Variants in PTPN23 observed in about 807,000 individuals in gnomAD.
The protein encoded by PTPN23 is protein tyrosine phosphatase non-receptor type 23, also known as tyrosine-protein phosphatase non-receptor type 23.
In PTPN23, 72 loss-of-function variants were observed where a neutral mutation model predicts 156.3. That is an observed-to-expected ratio of 0.46 (90% CI 0.38 to 0.56). PTPN23 has a LOEUF of 0.56. PTPN23 is among the 20% of genes least tolerant of loss of function. The probability of loss-of-function intolerance (pLI) is 0.00; values close to 1 mark genes in which losing one functional copy is unlikely to be tolerated. For synonymous variants in PTPN23, 957 were observed against 899.6 expected, an observed-to-expected ratio of 1.06 and a Z score of -1.14; for missense variants, 1,974 against 2,171.5, an observed-to-expected ratio of 0.91 and a Z score of 1.81.
chr3:47,410,455 G>T lies in PTPN23; in HGVS notation c.2657G>T (p.Ser886Ile). The stretch of plus-strand genomic sequence containing the variant: ...CGGCCAGCCACCACCACAGTAGATA[G>T]CATCCAGGCGCCCATCCCCAGCCAC... ...AVRPATTTVDSIQAPIPSHTA... is the reference protein window; with the variant it reads ...AVRPATTTVDIIQAPIPSHTA... The change falls in exon 20 of 25, where the codon AGC becomes ATC. Residue 886 changes from serine (S) to isoleucine (I), a missense_variant. Around this residue, in one of 4 missense-constraint regions of PTPN23, gnomAD observed 731 missense variants for 669.1 expected, o/e 1.09. Transcript: ENST00000265562. The T allele has an allele frequency of 1.2e-6, 2 of 1,611,038 alleles. No homozygotes were observed. Among genetic ancestry groups the T allele is most frequent in the Non-Finnish European group, 1.7e-6 (2 of 1,179,140 alleles).
rs1205708285 is a variant in PTPN23, at chr3:47,381,050, T to G, written c.-47T>G. 1.3e-6 allele frequency: 2 copies of G among 1,551,366 alleles called. No homozygotes were observed. The highest frequency in any genetic ancestry group is 4.9e-5 in the East Asian group (2 of 40,964). On this transcript the variant is annotated 5_prime_UTR_variant, in exon 1 of 25. Coordinates refer to ENST00000265562, the MANE Select transcript of PTPN23 (RefSeq NM_015466.4). The stretch of plus-strand genomic sequence containing the variant: ...CTGGGCTCGTGGCTGAGCCAGCAGC[T>G]GCAGCAGCTACGGGAGTGGCCGGGT...
intron 1 of PTPN23, among the ~76,000 whole-genome samples, chr3:47,394,298 G>A (rs950156801): frequency 2.0e-5 from 3 of 152,154 alleles, no homozygotes; most frequent in Non-Finnish European, 4.4e-5. Flanking sequence ...TGACCCTGCC[G>A]TCGGCACACA....
In PTPN23 at chr3:47,402,703, G is replaced by GT. The variant is rs376504793; in HGVS notation, c.160-1942dup. Among the ~76,000 whole-genome samples, 361 of 152,056 alleles carry GT rather than the reference G, an allele frequency of 2.4e-3. 3 individuals carry two copies. Among genetic ancestry groups the GT allele is most frequent in the African/African-American group, 7.4e-3 (309 of 41,500 alleles). The stretch of plus-strand genomic sequence containing the variant: ...TTTTTGTTTATGTACCTATTTGTGG[G>GT]TTTTTTTGTTTTTTCTTTTGAGACA... On this transcript the variant is annotated intron_variant, in intron 2 of 24. Coordinates refer to ENST00000265562, the MANE Select transcript of PTPN23 (RefSeq NM_015466.4).
Position 47,410,348 on chromosome 3 carries a change from G to A in PTPN23, c.2550G>A (p.Gly850=). ...GCGTGGTGAGCAGTCCCTATGTGGG[G>A]GTAGGGCCGGCCCCACCAGTTGCAG... ...QHGVVSSPYV[G]VGPAPPVAGL... Residue 850 remains glycine (G), a synonymous_variant, in exon 20 of 25, where the codon GGG becomes GGA. Coordinates refer to ENST00000265562, the MANE Select transcript of PTPN23 (RefSeq NM_015466.4). The A allele has an allele frequency of 1.9e-6, 3 of 1,607,974 alleles. No individual in the cohort carries two copies. Among genetic ancestry groups the A allele is most frequent in the Non-Finnish European group, 2.5e-6 (3 of 1,177,444 alleles).
Position 47,411,803 on chromosome 3 carries a change from CCCCA to C in PTPN23, c.3912_3915del (p.Thr1305ArgfsTer11). ...CTCAGCAAAAAGTGGCACGCTACTT[CCCCA>C]CCGAGAGGGGCCAGCCCATGGTGCA... On this transcript the variant is annotated frameshift_variant, in exon 21 of 25. Transcript: ENST00000265562. LOFTEE classifies it high-confidence loss of function. The surrounding 1 kb of genome is among the most constrained non-coding windows in gnomAD (Gnocchi z 6.3). 1.2e-6 allele frequency: 2 copies of C among 1,605,272 alleles called. No individual in the cohort carries two copies. Among genetic ancestry groups the C allele is most frequent in the Non-Finnish European group, 1.7e-6 (2 of 1,175,298 alleles).
Position 47,412,841 on chromosome 3 carries a change from C to T in PTPN23, c.4567C>T (p.Pro1523Ser). The T allele has an allele frequency of 3.1e-6, 5 of 1,613,432 alleles. No individual in the cohort carries two copies. Among genetic ancestry groups the T allele is most frequent in the Non-Finnish European group, 3.4e-6 (4 of 1,179,888 alleles). ...GTCCCCGGTTGCCAGCTTGCCAGGC[C>T]CTGCAGAGCCCCCAGGCCTCCCGCC... ...LESPVASLPG[P>S]AEPPGLPPAS... The change falls in exon 25 of 25, where the codon CCT (proline) becomes TCT (serine). Residue 1523 changes from proline (P) to serine (S), a missense_variant. By Grantham distance (74) the Pro-to-Ser change is moderately conservative. Transcript: ENST00000265562.
chr3:47,401,458 T>C (rs528225217), intron 2 of PTPN23, among the ~76,000 whole-genome samples: 34 of 151,752 alleles, frequency 2.2e-4, no homozygotes, highest in Non-Finnish European at 4.4e-4. Context: ...CCTCCCACTT[T>C]GGCCTCCCAA....
chr3:47,408,103 C>T, intron 14 of PTPN23, 148 bp downstream of exon 14: 2 of 1,058,162 alleles, frequency 1.9e-6, no homozygotes, highest in Non-Finnish European at 2.8e-6. Context: ...GGTGGTGGGG[C>T]TAGTGTGTAA....
Position 47,407,347 on chromosome 3 carries a change from T to C in PTPN23, c.903T>C (p.Thr301=), listed in dbSNP as rs367964758. ...CTGTGCAAGACGCGCTTCGCTTCAC[T>C]ATGGATGTCATTGGGGGAAAGTGAG... is the stretch of plus-strand genomic sequence containing the variant. ...PDTVQDALRF[T]MDVIGGKYNS... is the part of the protein sequence containing the mutation. The change falls in exon 11 of 25, where the codon ACT becomes ACC. Residue 301 remains threonine, a synonymous_variant. Coordinates refer to ENST00000265562, the MANE Select transcript of PTPN23 (RefSeq NM_015466.4). This position sits in a 1 kb window ranked among gnomAD's most constrained non-coding sequence, Gnocchi z 4.0. The C allele has an allele frequency of 6.1e-5, 99 of 1,613,854 alleles. No homozygotes were observed. The highest frequency in any genetic ancestry group is 7.9e-5 in the Non-Finnish European group (93 of 1,179,942).
In PTPN23 at chr3:47,409,465, C is replaced by CT. The variant is rs1705211812; in HGVS notation, c.1847dup (p.Glu617GlyfsTer47). On this transcript the variant is annotated frameshift_variant, in exon 18 of 25. Coordinates refer to ENST00000265562, the MANE Select transcript of PTPN23 (RefSeq NM_015466.4). LOFTEE classifies it high-confidence loss of function. The stretch of plus-strand genomic sequence containing the variant: ...AAAGTATGACCAGCTGAAGGTGTAC[C>CT]TGGAGCAGAACCTGGCCGCCCAGGA... 1 of 1,614,036 alleles carries CT rather than the reference C, an allele frequency of 6.2e-7. No individual in the cohort carries two copies. Among genetic ancestry groups the CT allele is most frequent in the Non-Finnish European group, 8.5e-7 (1 of 1,180,020 alleles).
At position 47,410,324 on chromosome 3, in the gene PTPN23, CGTG is replaced by C; in HGVS notation, c.2530_2532del (p.Val844del). ...TGCCCCGATCCTCCCCACAGCATGG[CGTG>C]GTGAGCAGTCCCTATGTGGGGGTAG... On this transcript the variant is annotated inframe_deletion, in exon 20 of 25. Transcript: ENST00000265562. 1 of 1,605,434 alleles carries C rather than the reference CGTG, an allele frequency of 6.2e-7. No individual in the cohort carries two copies. The highest frequency in any genetic ancestry group is 8.5e-7 in the Non-Finnish European group (1 of 1,175,764).
chr3:47,409,098 C>G lies in PTPN23; in HGVS notation c.1642+11C>G, dbSNP rs764530378. 3.7e-6 allele frequency: 6 copies of G among 1,608,976 alleles called. No homozygotes were observed. Among genetic ancestry groups the G allele is most frequent in the Non-Finnish European group, 4.2e-6 (5 of 1,176,764 alleles). The stretch of plus-strand genomic sequence containing the variant: ...CGGCCCTCTCCCCAGGTGAGCCCCA[C>G]CAGACCCCATTGGGAGACTCGAGCT... On this transcript the variant is annotated intron_variant, in intron 16 of 24. Transcript: ENST00000265562.
intron 1 of PTPN23, among the ~76,000 whole-genome samples, chr3:47,390,937 C>T (rs1173936410): frequency 2.0e-5 from 3 of 152,086 alleles, no homozygotes; most frequent in East Asian, 1.9e-4. Context: ...CATAGTGAGA[C>T]TCCCATCTCT....
At position 47,405,681 on chromosome 3, in the gene PTPN23, C is replaced by G; in HGVS notation, c.365-68C>G. On this transcript the variant is annotated intron_variant, in intron 4 of 24. Coordinates refer to ENST00000265562, the MANE Select transcript of PTPN23 (RefSeq NM_015466.4). This position sits in a 1 kb window ranked among gnomAD's most constrained non-coding sequence, Gnocchi z 4.7. The stretch of plus-strand genomic sequence containing the variant: ...CCTGATTGTGGATAACAGCAGTGCC[C>G]CCTCTGTCTCACCTTCACATGGGTG... 6.7e-7 allele frequency: 1 copy of G among 1,487,510 alleles called. No individual in the cohort carries two copies. Among genetic ancestry groups the G allele is most frequent in the Non-Finnish European group, 9.2e-7 (1 of 1,087,530 alleles). The allele number at this position is 1,487,510 out of a possible 1,614,324, so 92.1% of individuals were successfully genotyped here. A position where few individuals can be genotyped will look rare whatever the true frequency, so the allele number is the denominator to read the frequency against.
rs781054788 is a variant in PTPN23 at position 47,412,206 on chromosome 3, G to C, written c.4178+8G>C. The C allele has an allele frequency of 1.2e-6, 2 of 1,613,124 alleles. No individual in the cohort carries two copies. Among genetic ancestry groups the C allele is most frequent in the African/African-American group, 2.7e-5 (2 of 74,932 alleles). On this transcript the variant is annotated splice_region_variant and intron_variant, in intron 22 of 24. Coordinates refer to ENST00000265562, the MANE Select transcript of PTPN23 (RefSeq NM_015466.4). The stretch of plus-strand genomic sequence containing the variant: ...CATCATTGTGCACTGCAGGTAGAGG[G>C]TGGGCCTGAGGGTCTCTCCTCTATG...
At position 47,408,361 on chromosome 3, in the gene PTPN23, A is replaced by G. The variant is rs75578696; in HGVS notation, c.1201A>G (p.Met401Val). 1.7e-5 allele frequency: 28 copies of G among 1,613,952 alleles called. No homozygotes were observed. Among genetic ancestry groups the G allele is most frequent in the Non-Finnish European group, 2.4e-5 (28 of 1,179,922 alleles). ...NEVLDQFMDS[M>V]QLDPETVDNL... ...TCCCCACAGCCAGTTCATGGATTCAATGCAGTTGGATCCCGAGACGGTGGA... is the reference window on the plus strand; with the variant it reads ...TCCCCACAGCCAGTTCATGGATTCAGTGCAGTTGGATCCCGAGACGGTGGA... Residue 401 changes from methionine (M) to valine (V), a missense_variant, in exon 15 of 25, where the codon ATG becomes GTG. By Grantham distance (21) the Met-to-Val change is conservative. Around this residue, in one of 4 missense-constraint regions of PTPN23, gnomAD observed 726 missense variants for 929.5 expected, o/e 0.78. Transcript: ENST00000265562.
intron 2 of PTPN23, among the ~76,000 whole-genome samples, chr3:47,398,560 T>TA (rs1321832007): frequency 2.0e-5 from 3 of 151,950 alleles, no homozygotes; most frequent in East Asian, 1.9e-4. Context: ...AATGTAAACT[T>TA]AAAGTTTTTT....
rs1456758214 is a variant in PTPN23, at chr3:47,405,819, G to A, written c.414+21G>A. 4.4e-6 allele frequency: 7 copies of A among 1,588,432 alleles called. No homozygotes were observed. The South Asian group carries it at 4.6e-5, about 10-fold the overall frequency. ...AGGAGGTGAGGAGAGGGGCAGTAGT[G>A]GAACATGTGGACATACCAGGGAGGG... On this transcript the variant is annotated intron_variant, in intron 5 of 24. Coordinates refer to ENST00000265562, the MANE Select transcript of PTPN23 (RefSeq NM_015466.4). This position sits in a 1 kb window ranked among gnomAD's most constrained non-coding sequence, Gnocchi z 4.7.
At chr3:47,402,580 ATATC>A (rs1256168516) in intron 2 of PTPN23, among the ~76,000 whole-genome samples, 4 of 151,638 alleles carry the variant, frequency 2.6e-5, no homozygotes, top group African/African-American at 9.7e-5. Flanking sequence ...TCGCCCAGCC[ATATC>A]TATCTATTTA....
Sources: gnomAD v4.1 joint callset for allele counts (sites outside exome capture counted in the v4.1 genomes callset) on GRCh38, gnomAD v4.1.1 for gene constraint, gnomAD v4.1.1 regional missense constraint, Gnocchi (gnomAD v3.1) non-coding constraint, MANE v1.5 for transcripts, NCBI Gene and HGNC (gene_info 2026-07-23, HGNC 2026-07-21) for gene names.